CT45A3: variants seen among roughly 807,000 people sequenced by gnomAD.
CT45A3 encodes the protein cancer/testis antigen 45-3.
At chrX:135,760,881 T>TA (rs1261956510) in intron 4 of CT45A3, among the ~76,000 whole-genome samples, 26 of 70,568 alleles carry the variant, frequency 3.7e-4, no homozygotes, top group African/African-American at 1.2e-3. Flanking sequence ...TGTTTAGCCA[T>TA]AAAAAAAAGA....
intron 4 of CT45A3, among the ~76,000 whole-genome samples, chrX:135,760,681 A>G (rs1340065111): frequency 2.9e-3 from 296 of 102,201 alleles, no homozygotes; most frequent in African/African-American, 8.7e-3. Context: ...AAATGGAGCT[A>G]TCATATGATC....
intron 4 of CT45A3, among the ~76,000 whole-genome samples, chrX:135,760,719 CA>C (rs1289572409): frequency 2.9e-5 from 3 of 102,359 alleles, no homozygotes; most frequent in African/African-American, 1.0e-4. Flanking sequence ...GGTATATACC[CA>C]AGAGAAAGGA....
intron 4 of CT45A3, among the ~76,000 whole-genome samples, chrX:135,761,121 T>C (rs2088179250): frequency 2.3e-3 from 1 of 438 alleles, no homozygotes; most frequent in African/African-American, 6.5e-3. Context: ...TACGTAGAAG[T>C]ATGGAATAAA....
intron 2 of CT45A3, among the ~76,000 whole-genome samples, chrX:135,763,006 C>T (rs2088185596): frequency 1.0e-5 from 1 of 99,542 alleles, no homozygotes; most frequent in African/African-American, 3.5e-5. Context: ...CCAGGTCTGA[C>T]ACCTCTCATT....
At chrX:135,761,773 GAAGAA>G in intron 3 of CT45A3, 46 bp from the exon 4 acceptor site, 5 of 119,604 alleles carry the variant, frequency 4.2e-5, no homozygotes, top group Non-Finnish European at 7.6e-5. Flanking sequence ...CAAATATAAA[GAAGAA>G]TAGAAGTGAA....
intron 4 of CT45A3, among the ~76,000 whole-genome samples, chrX:135,760,998 T>G (rs1255945293): frequency 1.3e-4 from 2 of 15,239 alleles, no homozygotes; most frequent in Non-Finnish European, 2.7e-4. Context: ...CACTTATTTT[T>G]GGGAGTAAAA....
chrX:135,760,832 TG>T (rs2088178105), intron 4 of CT45A3, among the ~76,000 whole-genome samples: 6 of 90,658 alleles, frequency 6.6e-5, no homozygotes, highest in Non-Finnish European at 2.3e-5. Flanking sequence ...AACACATGAA[TG>T]GGTAAAGAAA....
At chrX:135,760,613 A>AT in intron 4 of CT45A3, among the ~76,000 whole-genome samples, 1 of 102,270 alleles carries the variant, frequency 9.8e-6, no homozygotes, top group Admixed American at 1.0e-4. Context: ...TGGTGAGAAT[A>AT]TAAATTACTA....
Position 135,760,391 on chromosome X carries a change from A to G in CT45A3, c.531T>C (p.Phe177=), listed in dbSNP as rs2088174881. Residue 177 remains phenylalanine (F), a synonymous_variant, in exon 5 of 5, where the codon TTT becomes TTC. Transcript: ENST00000598716. ...TCAGTTTCTTCTTAAGGTGCTTAAC[A>G]AAGTCTCGTCTCATACATCTGAAAA... ...KEAARCMRRD[F]VKHLKKKLKR... The G allele has an allele frequency of 8.6e-7, 1 of 1,156,878 alleles. No homozygotes were observed. Among genetic ancestry groups the G allele is most frequent in the East Asian group, 3.0e-5 (1 of 33,144 alleles).
Position 135,761,677 on chromosome X carries a change from CT to C in CT45A3, c.468del (p.Val157SerfsTer17), listed in dbSNP as rs2088180010. 1 of 177,322 alleles carries C rather than the reference CT, an allele frequency of 5.6e-6. No homozygotes were observed. The highest frequency in any genetic ancestry group is 1.0e-5 in the Non-Finnish European group (1 of 100,402). 14.6% of individuals were successfully genotyped at this position (177,322 alleles called of 1,213,427 possible). On this transcript the variant is annotated frameshift_variant, in exon 4 of 5. Coordinates refer to ENST00000598716, the MANE Select transcript of CT45A3 (RefSeq NM_001370148.2). LOFTEE classifies it low-confidence loss of function (END_TRUNC). The part of the protein sequence containing the change: ...EMLEGVQGPT[A>X]VRKRFFESII... The stretch of plus-strand genomic sequence containing the variant: ...ATGGATTCAAAAAATCGCTTCCTGA[CT>C]GCAGTAGGTCCTTGCACTCCTTCAA...
At position 135,761,715 on chromosome X, in the gene CT45A3, AT is replaced by A; in HGVS notation, c.430del (p.Ile144SerfsTer30). 4.3e-6 allele frequency: 1 copy of A among 231,237 alleles called. No individual in the cohort carries two copies. The highest frequency in any genetic ancestry group is 7.1e-6 in the Non-Finnish European group (1 of 139,908). 19.1% of individuals were successfully genotyped at this position (231,237 alleles called of 1,213,427 possible). ...LRCVGQKYEK[I>X]FEMLEGVQGP... ...TTGCACTCCTTCAAGCATTTCGAAGATTTTTTCATATTCTGAAGATGTTGAA... is the reference window on the plus strand; with the variant it reads ...TTGCACTCCTTCAAGCATTTCGAAGATTTTTCATATTCTGAAGATGTTGAA... On this transcript the variant is annotated frameshift_variant, in exon 4 of 5. Transcript: ENST00000598716. LOFTEE classifies it high-confidence loss of function.
At position 135,760,074 on chromosome X, in the gene CT45A3, T is replaced by G; in HGVS notation, c.*278A>C. On this transcript the variant is annotated 3_prime_UTR_variant, in exon 5 of 5. Coordinates refer to ENST00000598716, the MANE Select transcript of CT45A3 (RefSeq NM_001370148.2). ...CAGAAACCACGACTGTAATAGTATT[T>G]ACCTAATGGGTTAATAATATCTACC... The G allele has an allele frequency of 3.1e-6, 1 of 321,849 alleles. No individual in the cohort carries two copies. The highest frequency in any genetic ancestry group is 5.1e-6 in the Non-Finnish European group (1 of 196,559). 26.5% of individuals were successfully genotyped at this position (321,849 alleles called of 1,213,427 possible). A position where few individuals can be genotyped will look rare whatever the true frequency, so the allele number is the denominator to read the frequency against.
chrX:135,760,929 G>A (rs1245565071), intron 4 of CT45A3, among the ~76,000 whole-genome samples: 18 of 47,951 alleles, frequency 3.8e-4, no homozygotes, highest in Non-Finnish European at 6.2e-4. Flanking sequence ...GGATAGAACC[G>A]AAGGTCCTTA....
Position 135,761,698 on chromosome X carries a change from CT to C in CT45A3, c.447del (p.Gly150GlufsTer24). 1 of 212,634 alleles carries C rather than the reference CT, an allele frequency of 4.7e-6. No individual in the cohort carries two copies. Among genetic ancestry groups the C allele is most frequent in the South Asian group, 4.4e-5 (1 of 22,501 alleles). 17.5% of individuals were successfully genotyped at this position (212,634 alleles called of 1,213,427 possible). On this transcript the variant is annotated frameshift_variant, in exon 4 of 5. Coordinates refer to ENST00000598716, the MANE Select transcript of CT45A3 (RefSeq NM_001370148.2). LOFTEE classifies it high-confidence loss of function. ...CTGACTGCAGTAGGTCCTTGCACTC[CT>C]TCAAGCATTTCGAAGATTTTTTCAT... is the stretch of plus-strand genomic sequence containing the variant. ...QKYEKIFEMLEGVQGPTAVRK... is the reference protein window; with the variant it reads ...QKYEKIFEMLXGVQGPTAVRK...
chrX:135,761,646 TTGA>T lies in CT45A3; in HGVS notation c.497_499del (p.Ile166del). 1.4e-5 allele frequency: 2 copies of T among 138,686 alleles called. No individual in the cohort carries two copies. The highest frequency in any genetic ancestry group is 2.7e-5 in the Non-Finnish European group (2 of 75,295). The allele number at this position is 138,686 out of a possible 1,213,427, so 11.4% of individuals were successfully genotyped here. A position where few individuals can be genotyped will look rare whatever the true frequency, so the allele number is the denominator to read the frequency against. Reference sequence around the variant, plus strand: ...TATTTCTACCCACCTTGCTGCTTCCTTGATGATGGATTCAAAAAATCGCTTCCT... The same window carrying T: ...TATTTCTACCCACCTTGCTGCTTCCTTGATGGATTCAAAAAATCGCTTCCT... On this transcript the variant is annotated inframe_deletion, in exon 4 of 5. Coordinates refer to ENST00000598716, the MANE Select transcript of CT45A3 (RefSeq NM_001370148.2).
At position 135,761,715 on chromosome X, in the gene CT45A3, A is replaced by AT; in HGVS notation, c.430dup (p.Ile144AsnfsTer6). The AT allele has an allele frequency of 4.3e-6, 1 of 231,249 alleles. No individual in the cohort carries two copies. Among genetic ancestry groups the AT allele is most frequent in the Non-Finnish European group, 7.1e-6 (1 of 139,915 alleles). 19.1% of individuals were successfully genotyped at this position (231,249 alleles called of 1,213,427 possible). Reference sequence around the variant, plus strand: ...TTGCACTCCTTCAAGCATTTCGAAGATTTTTTCATATTCTGAAGATGTTGA... The same window carrying AT: ...TTGCACTCCTTCAAGCATTTCGAAGATTTTTTTCATATTCTGAAGATGTTGA... On this transcript the variant is annotated frameshift_variant, in exon 4 of 5. Coordinates refer to ENST00000598716, the MANE Select transcript of CT45A3 (RefSeq NM_001370148.2). LOFTEE classifies it high-confidence loss of function.
At chrX:135,765,188 T>TAACAAC (rs1191778737) in intron 1 of CT45A3, among the ~76,000 whole-genome samples, 68 of 92,784 alleles carry the variant, frequency 7.3e-4, no homozygotes, top group African/African-American at 2.2e-3. Flanking sequence ...TGCACCACAT[T>TAACAAC]AACAACAACA....
chrX:135,761,020 C>A (rs2088179117), intron 4 of CT45A3, among the ~76,000 whole-genome samples: 1 of 8,340 alleles, frequency 1.2e-4, no homozygotes, highest in African/African-American at 3.8e-4. Flanking sequence ...TGTAAAACAA[C>A]TGAACTAATG....
At chrX:135,763,112 C>T (rs1166764359) in intron 2 of CT45A3, among the ~76,000 whole-genome samples, 2 of 53,351 alleles carry the variant, frequency 3.7e-5, no homozygotes, top group African/African-American at 1.3e-4. Flanking sequence ...AGCTCACATC[C>T]TCATGGGGCG....
Sources: allele counts gnomAD v4.1 joint callset (sites outside exome capture counted in the v4.1 genomes callset), GRCh38; gene constraint gnomAD v4.1.1; transcripts MANE v1.5; gene names NCBI Gene and HGNC (gene_info 2026-07-23, HGNC 2026-07-21).